PTPN5: variants seen among roughly 807,000 people sequenced by gnomAD.
PTPN5 encodes the protein protein tyrosine phosphatase non-receptor type 5.
In PTPN5, 29 loss-of-function variants were observed where a neutral mutation model predicts 73.9. That is an observed-to-expected ratio of 0.39 (90% confidence interval 0.29 to 0.54). The LOEUF is 0.54. PTPN5 is among the 20% of genes least tolerant of loss of function. The pLI is 0.65. For missense variants in PTPN5, 652 were observed against 751.4 expected (o/e 0.87, Z 1.55); for synonymous variants, 267 against 304.7 (o/e 0.88, Z 1.29).
intron 7 of PTPN5, among the ~76,000 whole-genome samples, chr11:18,741,804 C>T (rs1849377612): frequency 1.3e-5 from 2 of 152,192 alleles, no homozygotes; most frequent in Admixed American, 1.3e-4. Context: ...ATTTGTACCC[C>T]AAACCTCGGC....
intron 1 of PTPN5, among the ~76,000 whole-genome samples, chr11:18,786,287 C>T (rs1316588194): frequency 2.0e-5 from 3 of 152,084 alleles, no homozygotes; most frequent in Non-Finnish European, 2.9e-5. Flanking sequence ...ACTGCAAGCT[C>T]CGCCTCCTGG....
At chr11:18,781,323 C>CT (rs58611404) in intron 1 of PTPN5, among the ~76,000 whole-genome samples, 83 of 114,428 alleles carry the variant, frequency 7.3e-4, no homozygotes, top group Non-Finnish European at 6.9e-4. Flanking sequence ...TTTTTGACCA[C>CT]TTTTTTTTTT....
Position 18,733,194 on chromosome 11 carries a change from G to A in PTPN5, c.1218+41C>T, listed in dbSNP as rs1285883123. ...GAGAACAAGATACTTAGTGTAGGGCGCAATGTAGCAGACACTTAGAATGGG... is the reference window on the plus strand; with the variant it reads ...GAGAACAAGATACTTAGTGTAGGGCACAATGTAGCAGACACTTAGAATGGG... On this transcript the variant is annotated intron_variant, in intron 11 of 14. Coordinates refer to ENST00000358540, the MANE Select transcript of PTPN5 (RefSeq NM_006906.2). This position sits in a 1 kb window ranked among gnomAD's most constrained non-coding sequence, Gnocchi z 4.3. 4.4e-6 allele frequency: 7 copies of A among 1,594,456 alleles called. No homozygotes were observed. The highest frequency in any genetic ancestry group is 2.7e-5 in the African/African-American group (2 of 74,586).
At chr11:18,781,971 C>G (rs114517117) in intron 1 of PTPN5, among the ~76,000 whole-genome samples, 1 of 152,112 alleles carries the variant, frequency 6.6e-6, no homozygotes, top group Non-Finnish European at 1.5e-5. Context: ...GGCAAAGGCC[C>G]GGAGAGGTGA....
chr11:18,738,003 C>T, intron 8 of PTPN5, 39 bp from the exon 9 acceptor site: 2 of 1,551,308 alleles, frequency 1.3e-6, no homozygotes, highest in Non-Finnish European at 1.8e-6. Context: ...AGCTATGGGC[C>T]CTCACAGATG....
chr11:18,747,723 T>C (rs572547973), intron 3 of PTPN5, among the ~76,000 whole-genome samples: 4 of 152,204 alleles, frequency 2.6e-5, no homozygotes, highest in Non-Finnish European at 5.9e-5. Context: ...AAAATTTTGA[T>C]GGTATGGACT....
intron 3 of PTPN5, among the ~76,000 whole-genome samples, chr11:18,751,814 C>T (rs569961388): frequency 6.6e-6 from 1 of 152,238 alleles, no homozygotes; most frequent in African/African-American, 2.4e-5. Flanking sequence ...TCTTAAAATA[C>T]GTCTGTAATT....
At chr11:18,758,675 G>GTTTT in intron 3 of PTPN5, among the ~76,000 whole-genome samples, 1 of 150,552 alleles carries the variant, frequency 6.6e-6, no homozygotes, top group African/African-American at 2.4e-5. Flanking sequence ...GGAAGGATGA[G>GTTTT]TTTTTTTTTT....
At position 18,729,350 on chromosome 11, in the gene PTPN5, C is replaced by T; in HGVS notation, c.1604+103G>A. The stretch of plus-strand genomic sequence containing the variant: ...GCCCATCAGTCCGTGCCAGTGTTTT[C>T]CATCTGCCCCTCACCCCCCGCCCAT... On this transcript the variant is annotated intron_variant, in intron 14 of 14. Coordinates refer to ENST00000358540, the MANE Select transcript of PTPN5 (RefSeq NM_006906.2). The surrounding 1 kb of genome is among the most constrained non-coding windows in gnomAD (Gnocchi z 5.2). 2 of 673,612 alleles carry T rather than the reference C, an allele frequency of 3.0e-6. No individual in the cohort carries two copies. The highest frequency in any genetic ancestry group is 5.4e-6 in the Non-Finnish European group (2 of 371,370). The allele number at this position is 673,612 out of a possible 1,614,324, so 41.7% of individuals were successfully genotyped here.
At chr11:18,745,200 G>A (rs952819092) in intron 3 of PTPN5, among the ~76,000 whole-genome samples, 1 of 152,218 alleles carries the variant, frequency 6.6e-6, no homozygotes, top group Admixed American at 6.5e-5. Context: ...ACCAAAACAT[G>A]GATGTATACA....
intron 3 of PTPN5, among the ~76,000 whole-genome samples, chr11:18,763,572 T>C (rs1360087478): frequency 6.6e-6 from 1 of 152,238 alleles, no homozygotes; most frequent in Non-Finnish European, 1.5e-5. Flanking sequence ...GGATTTAACC[T>C]ATTATGCTTA....
rs1850922105 is a variant in PTPN5 at position 18,771,932 on chromosome 11, C to T, written c.20+7G>A. On this transcript the variant is annotated splice_region_variant and intron_variant, in intron 2 of 14. Transcript: ENST00000358540. The stretch of plus-strand genomic sequence containing the variant: ...GTTGCAGGGGGACGGCGTAAACGCT[C>T]ACTCACCTGGCTCCCTCATAATTCA... 6.3e-7 allele frequency: 1 copy of T among 1,593,910 alleles called. No individual in the cohort carries two copies. Among genetic ancestry groups the T allele is most frequent in the Non-Finnish European group, 8.5e-7 (1 of 1,172,088 alleles).
At chr11:18,783,396 C>T (rs1851530206) in intron 1 of PTPN5, among the ~76,000 whole-genome samples, 1 of 152,220 alleles carries the variant, frequency 6.6e-6, no homozygotes, top group African/African-American at 2.4e-5. Flanking sequence ...AAGAACACAG[C>T]TGACTTGCGT....
In PTPN5 at chr11:18,733,094, C is replaced by G; in HGVS notation, c.1218+141G>C. 1 of 1,297,732 alleles carries G rather than the reference C, an allele frequency of 7.7e-7. No homozygotes were observed. Among genetic ancestry groups the G allele is most frequent in the Non-Finnish European group, 1.1e-6 (1 of 946,316 alleles). The allele number at this position is 1,297,732 out of a possible 1,614,324, so 80.4% of individuals were successfully genotyped here. On this transcript the variant is annotated intron_variant, in intron 11 of 14. Transcript: ENST00000358540. This position sits in a 1 kb window ranked among gnomAD's most constrained non-coding sequence, Gnocchi z 4.3. ...CCCGGGGCAAATGACTTAACCTTAC[C>G]GAGCCTCACATCTCCTCATCTTGGC... is the stretch of plus-strand genomic sequence containing the variant.
At chr11:18,745,486 T>G (rs1025641812) in intron 3 of PTPN5, among the ~76,000 whole-genome samples, 1 of 152,172 alleles carries the variant, frequency 6.6e-6, no homozygotes, top group African/African-American at 2.4e-5. Context: ...CCGCCCCCTA[T>G]GCTTTGACAT....
At chr11:18,771,880 AG>A in intron 2 of PTPN5, 58 bp downstream of exon 2, 1 of 1,480,988 alleles carries the variant, frequency 6.8e-7, no homozygotes, top group Non-Finnish European at 9.4e-7. Flanking sequence ...ATCCAGATGG[AG>A]AAGGCTTGGC....
intron 1 of PTPN5, among the ~76,000 whole-genome samples, chr11:18,775,410 G>A (rs947203561): frequency 3.9e-5 from 6 of 152,320 alleles, no homozygotes; most frequent in African/African-American, 1.4e-4. Context: ...CCAAGCAAAC[G>A]AGTGAAGGAG....
At chr11:18,780,102 G>A (rs1002460585) in intron 1 of PTPN5, among the ~76,000 whole-genome samples, 1 of 152,172 alleles carries the variant, frequency 6.6e-6, no homozygotes, top group South Asian at 2.1e-4. Flanking sequence ...ACCAGGCAGT[G>A]CCATCAGCTA....
chr11:18,776,587 C>T (rs567635964), intron 1 of PTPN5, among the ~76,000 whole-genome samples: 48 of 152,120 alleles, frequency 3.2e-4, no homozygotes, highest in Non-Finnish European at 5.7e-4. Context: ...TCACCTCTCA[C>T]TAGAACCATA....
Sources: gnomAD v4.1 joint callset for allele counts (sites outside exome capture counted in the v4.1 genomes callset) on GRCh38, gnomAD v4.1.1 for gene constraint, Gnocchi (gnomAD v3.1) non-coding constraint, MANE v1.5 for transcripts, NCBI Gene and HGNC (gene_info 2026-07-23, HGNC 2026-07-21) for gene names.